Variants in IL34 observed in about 807,000 individuals in gnomAD.
The protein encoded by IL34 is interleukin-34.
A neutral mutation model predicts 25.3 loss-of-function variants in IL34; 17 were observed. The observed-to-expected ratio is 0.67, with a 90% CI of 0.46 to 1.01. IL34 has a LOEUF of 1.01. Among genes scored for constraint, IL34 ranks in the 50% least tolerant of loss-of-function variants. The pLI, the probability that IL34 is intolerant of heterozygous loss-of-function variation, is 0.00. For missense variants in IL34, 368 were observed against 312.9 expected, an observed-to-expected ratio of 1.18 and a Z score of -1.33; for synonymous variants, 174 against 140.9, an observed-to-expected ratio of 1.23 and a Z score of -1.66.
chr16:70,638,496 G>A (rs913720908), intron 1 of IL34, among the ~76,000 whole-genome samples: 1 of 152,020 alleles, frequency 6.6e-6, no homozygotes, highest in Non-Finnish European at 1.5e-5. Context: ...CTTCCCTGGG[G>A]AAACTTTCCT....
Position 70,657,343 on chromosome 16 carries a change from C to T in IL34, c.402+222C>T, listed in dbSNP as rs186912820. 1,125 of 553,730 alleles carry T rather than the reference C, an allele frequency of 2.0e-3. 3 individuals are homozygous for T. The highest frequency in any genetic ancestry group is 2.8e-3 in the Non-Finnish European group (866 of 310,476). 34.3% of individuals were successfully genotyped at this position (553,730 alleles called of 1,614,324 possible). On this transcript the variant is annotated intron_variant, in intron 4 of 5. Transcript: ENST00000288098. Reference sequence around the variant, plus strand: ...ATGAGAGCCGGGCTCGGGGTGCAGGCGATGCCTCTGAGACTCTGTTCTAGG... The same window carrying T: ...ATGAGAGCCGGGCTCGGGGTGCAGGTGATGCCTCTGAGACTCTGTTCTAGG...
chr16:70,626,009 C>T (rs531566839), intron 1 of IL34, among the ~76,000 whole-genome samples: 10 of 152,176 alleles, frequency 6.6e-5, no homozygotes, highest in South Asian at 2.1e-4. Context: ...GTCACGGCAC[C>T]GAATTTCATG....
intron 1 of IL34, among the ~76,000 whole-genome samples, chr16:70,631,494 A>C (rs771095202): frequency 8.5e-5 from 13 of 152,194 alleles, no homozygotes; most frequent in Non-Finnish European, 1.8e-4. Context: ...TTAATATGTT[A>C]AAAACAAAAC....
chr16:70,603,604 A>C (rs1011513377), intron 1 of IL34, among the ~76,000 whole-genome samples: 6 of 151,630 alleles, frequency 4.0e-5, no homozygotes, highest in African/African-American at 1.5e-4. Flanking sequence ...TCAGGGTCTC[A>C]CTCTGTCACC....
intron 1 of IL34, among the ~76,000 whole-genome samples, chr16:70,640,562 T>A (rs1476957603): frequency 6.6e-6 from 1 of 150,792 alleles, no homozygotes; most frequent in African/African-American, 2.4e-5. Context: ...AGGTGGAGGT[T>A]GTAGTGAGCC....
In IL34 at chr16:70,654,552, C is replaced by T. The variant is rs761537432; in HGVS notation, c.43C>T (p.Leu15Phe). 4.3e-6 allele frequency: 7 copies of T among 1,611,684 alleles called. No individual in the cohort carries two copies. Among genetic ancestry groups the T allele is most frequent in the Non-Finnish European group, 5.9e-6 (7 of 1,178,412 alleles). ...FTWLRYLGIF[L>F]GVALGNEPLE... ...GTGGTCCACAGATCTTGGGATCTTC[C>T]TTGGCGTGGCCTTGGGGAATGAGCC... The change falls in exon 2 of 6, where the codon CTT becomes TTT. Residue 15 changes from leucine to phenylalanine, a missense_variant. By Grantham distance (22) the Leu-to-Phe change is conservative. Coordinates refer to ENST00000288098, the MANE Select transcript of IL34 (RefSeq NM_001393494.1).
At chr16:70,614,843 T>C (rs960255021) in intron 1 of IL34, among the ~76,000 whole-genome samples, 3 of 152,228 alleles carry the variant, frequency 2.0e-5, no homozygotes, top group Admixed American at 6.5e-5. Flanking sequence ...GAACAGGAGC[T>C]GGGGTAGATC....
At chr16:70,611,081 C>A (rs1052558213) in intron 1 of IL34, among the ~76,000 whole-genome samples, 1 of 152,182 alleles carries the variant, frequency 6.6e-6, no homozygotes, top group Non-Finnish European at 1.5e-5. Context: ...CTGGTTCAGG[C>A]AGTCCTCCCG....
At chr16:70,630,377 G>A (rs1433468950) in intron 1 of IL34, among the ~76,000 whole-genome samples, 1 of 151,996 alleles carries the variant, frequency 6.6e-6, no homozygotes, top group Non-Finnish European at 1.5e-5. Context: ...GATTACAGGT[G>A]TGCACCACCA....
rs1336632775 is a variant in IL34 at position 70,660,135 on chromosome 16, C to G, written c.677C>G (p.Ser226Cys). 6.2e-6 allele frequency: 10 copies of G among 1,611,194 alleles called. No individual in the cohort carries two copies. In the African/African-American group the frequency reaches 1.3e-4, roughly 22 times the overall value. Residue 226 changes from serine to cysteine, a missense_variant, in exon 6 of 6, where the codon TCC becomes TGC. Physicochemically the swap from Ser to Cys is moderately radical, Grantham distance 112. Coordinates refer to ENST00000288098, the MANE Select transcript of IL34 (RefSeq NM_001393494.1). Reference protein sequence around the residue: ...PPWSPSSPPHSTGSVRPVRAQ... With the variant: ...PPWSPSSPPHCTGSVRPVRAQ... ...TGGTCCCCCAGCTCCCCGCCTCACT[C>G]CACGGGCTCGGTGAGGCCGGTCAGG... is the stretch of plus-strand genomic sequence containing the variant.
At chr16:70,619,955 G>A (rs2051245921) in intron 1 of IL34, among the ~76,000 whole-genome samples, 6 of 152,162 alleles carry the variant, frequency 3.9e-5, no homozygotes, top group South Asian at 2.1e-4. Flanking sequence ...AGGTTCTGGA[G>A]GAACGCCTGG....
In IL34 at chr16:70,646,915, G is replaced by A. The variant is rs1251356902; in HGVS notation, c.-33G>A. ...CTGTGGACACACTGCTGGGGACGGC[G>A]CCTGAGCTCTCAGGGGGACGAGGAA... On this transcript the variant is annotated 5_prime_UTR_variant, in exon 1 of 6. Coordinates refer to ENST00000288098, the MANE Select transcript of IL34 (RefSeq NM_001393494.1). 2 of 1,481,088 alleles carry A rather than the reference G, an allele frequency of 1.4e-6. No individual in the cohort carries two copies. The highest frequency in any genetic ancestry group is 1.5e-5 in the African/African-American group (1 of 67,816). 91.7% of individuals were successfully genotyped at this position (1,481,088 alleles called of 1,614,324 possible).
intron 1 of IL34, among the ~76,000 whole-genome samples, chr16:70,598,259 C>T (rs953016530): frequency 3.9e-5 from 6 of 152,230 alleles, no homozygotes; most frequent in African/African-American, 9.6e-5. Flanking sequence ...CCTCCATTAG[C>T]GACCTCTTAG....
chr16:70,605,624 C>A lies in IL34; in HGVS notation c.-401+25575C>A, dbSNP rs540181818. 2.6e-5 allele frequency among the ~76,000 whole-genome samples: 4 copies of A among 152,156 alleles called. No individual in the cohort carries two copies. In the South Asian group the frequency reaches 8.3e-4, roughly 32 times the overall value. ...TTTAAGAAAACAGCTTATTGAAGTT[C>A]TTTTATTATTATTATTTGTTACAAT... On this transcript the variant is annotated intron_variant, in intron 1 of 6. Coordinates refer to the IL34 transcript ENST00000429149.
At chr16:70,587,469 C>T (rs2050708209) in intron 1 of IL34, among the ~76,000 whole-genome samples, 1 of 151,936 alleles carries the variant, frequency 6.6e-6, no homozygotes, top group South Asian at 2.1e-4. Flanking sequence ...GACGGGGTTT[C>T]ACCGTTTTAG....
At chr16:70,640,809 C>T (rs1284018272) in intron 1 of IL34, among the ~76,000 whole-genome samples, 1 of 152,074 alleles carries the variant, frequency 6.6e-6, no homozygotes, top group East Asian at 1.9e-4. Flanking sequence ...GCATTTCCTT[C>T]ACCTCCCAAA....
intron 1 of IL34, among the ~76,000 whole-genome samples, chr16:70,624,041 G>T (rs544798458): frequency 2.4e-4 from 36 of 152,090 alleles, no homozygotes; most frequent in African/African-American, 7.2e-4. Context: ...AGGTGATCAG[G>T]CAGCGTCAGT....
At chr16:70,655,907 T>C (rs1457258868) in intron 2 of IL34, among the ~76,000 whole-genome samples, 1 of 152,240 alleles carries the variant, frequency 6.6e-6, no homozygotes, top group Non-Finnish European at 1.5e-5. Context: ...TTTACTGAGA[T>C]ATAATTTACA....
chr16:70,657,006 T>C lies in IL34; in HGVS notation c.287T>C (p.Leu96Ser), dbSNP rs756291278. 1.2e-6 allele frequency: 2 copies of C among 1,612,056 alleles called. No individual in the cohort carries two copies. The highest frequency in any genetic ancestry group is 1.7e-6 in the Non-Finnish European group (2 of 1,179,868). ...CGGGAGCTGCGGTATCTGTGGGTCT[T>C]GGTGAGCCTCAGTGCCACTGAGTCG... ...SERELRYLWV[L>S]VSLSATESVQ... The change falls in exon 4 of 6, where the codon TTG (leucine) becomes TCG (serine). Residue 96 changes from leucine (L) to serine (S), a missense_variant. Leu to Ser is a moderately radical substitution (Grantham distance 145). Transcript: ENST00000288098.
Sources: allele counts gnomAD v4.1 joint callset (sites outside exome capture counted in the v4.1 genomes callset), GRCh38; gene constraint gnomAD v4.1.1; transcripts MANE v1.5; gene names NCBI Gene and HGNC (gene_info 2026-07-23, HGNC 2026-07-21).